PDPK1: variants seen among roughly 807,000 people sequenced by gnomAD.
The protein encoded by PDPK1 is 3-phosphoinositide-dependent protein kinase 1.
Under a neutral mutation model 39.8 loss-of-function variants are expected in PDPK1, and 7 were observed. That is an observed-to-expected ratio of 0.18 (90% CI 0.10 to 0.33). The LOEUF (loss-of-function observed/expected upper bound fraction) is 0.33, where lower values mean the gene tolerates loss of function less well. PDPK1 is among the 10% of genes least tolerant of loss of function. The pLI is 1.00. For missense variants in PDPK1, 182 were observed against 384.7 expected (o/e 0.47, Z 4.41); for synonymous variants, 118 against 159.1 (o/e 0.74, Z 1.95).
At chr16:2,552,066 T>G (rs954497250) in intron 1 of PDPK1, among the ~76,000 whole-genome samples, 17 of 151,452 alleles carry the variant, frequency 1.1e-4, no homozygotes, top group African/African-American at 4.1e-4. Flanking sequence ...ACTCCTGGCC[T>G]CAGGTGATTC....
chr16:2,555,694 A>AT (rs1329271870), intron 1 of PDPK1: 1 of 64,936 alleles, frequency 1.5e-5, no homozygotes, highest in Non-Finnish European at 2.8e-5. Context: ...TGTATATAAA[A>AT]TTTTTGTATG....
intron 1 of PDPK1, among the ~76,000 whole-genome samples, chr16:2,542,625 A>T (rs2066265260): frequency 6.6e-6 from 1 of 152,236 alleles, no homozygotes; most frequent in South Asian, 2.1e-4. Flanking sequence ...CATCTGATGA[A>T]GGTGGGCATG....
chr16:2,591,144 G>T (rs1223172396), intron 11 of PDPK1, among the ~76,000 whole-genome samples: 1 of 152,030 alleles, frequency 6.6e-6, no homozygotes, highest in Non-Finnish European at 1.5e-5. Context: ...TGTGTTTATA[G>T]TAGAGACGTG....
At chr16:2,569,628 CCTT>C (rs1281809693) in intron 6 of PDPK1, among the ~76,000 whole-genome samples, 3 of 147,380 alleles carry the variant, frequency 2.0e-5, no homozygotes, top group African/African-American at 7.3e-5. Flanking sequence ...GTTCTTTTCC[CCTT>C]GTTTGAGGAA....
chr16:2,591,341 C>T (rs1363420735), intron 11 of PDPK1, among the ~76,000 whole-genome samples: 1 of 152,142 alleles, frequency 6.6e-6, no homozygotes, highest in African/African-American at 2.4e-5. Context: ...ATTCAGCCCC[C>T]ATGTATGACC....
intron 1 of PDPK1, among the ~76,000 whole-genome samples, chr16:2,551,601 G>A (rs2066409440): frequency 6.6e-6 from 1 of 151,562 alleles, no homozygotes; most frequent in African/African-American, 2.4e-5. Context: ...TCTCTTGCTG[G>A]CTGAAGTGTT....
At chr16:2,539,037 A>C in intron 1 of PDPK1, 3 of 208,534 alleles carry the variant, frequency 1.4e-5, no homozygotes, top group South Asian at 5.5e-5. Flanking sequence ...ATGAAGGAAA[A>C]CCCAAGAAAT....
At chr16:2,577,853 C>G (rs1430235889) in intron 7 of PDPK1, among the ~76,000 whole-genome samples, 1 of 149,276 alleles carries the variant, frequency 6.7e-6, no homozygotes, top group Non-Finnish European at 1.5e-5. Flanking sequence ...ATTCTCCTGC[C>G]TCAGCCTCCC....
rs1335280013 is a variant in PDPK1, at chr16:2,599,923, C to G, written c.*2156C>G. The G allele has an allele frequency of 4.3e-6, 1 of 233,350 alleles. No homozygotes were observed. Among genetic ancestry groups the G allele is most frequent in the Non-Finnish European group, 8.5e-6 (1 of 118,068 alleles). The allele number at this position is 233,350 out of a possible 1,614,324, so 14.5% of individuals were successfully genotyped here. On this transcript the variant is annotated 3_prime_UTR_variant, in exon 14 of 14. Coordinates refer to ENST00000342085, the MANE Select transcript of PDPK1 (RefSeq NM_002613.5). Reference sequence around the variant, plus strand: ...CCACCTCCTGGGCGTCACTGACAAGCTCCATCTTAACCTCCAAAGCCACAG... The same window carrying G: ...CCACCTCCTGGGCGTCACTGACAAGGTCCATCTTAACCTCCAAAGCCACAG...
At chr16:2,586,464 G>A (rs1229327793) in intron 10 of PDPK1, among the ~76,000 whole-genome samples, 1 of 152,284 alleles carries the variant, frequency 6.6e-6, no homozygotes, top group African/African-American at 2.4e-5. Flanking sequence ...ATTCCCATGG[G>A]AAGAGGAGCC....
chr16:2,541,017 A>G (rs1459285303), intron 1 of PDPK1, among the ~76,000 whole-genome samples: 1 of 152,006 alleles, frequency 6.6e-6, no homozygotes, highest in African/African-American at 2.4e-5. Flanking sequence ...GGTCTGGTGC[A>G]TAGTGTGATG....
In PDPK1 at chr16:2,577,138, G is replaced by A. The variant is rs1475656214; in HGVS notation, c.710-287G>A. The A allele has an allele frequency of 1.3e-5, 7 of 540,586 alleles. 1 individual carries two copies. Among genetic ancestry groups the A allele is most frequent in the East Asian group, 1.2e-4 (3 of 25,466 alleles). 33.5% of individuals were successfully genotyped at this position (540,586 alleles called of 1,614,324 possible). A position where few individuals can be genotyped will look rare whatever the true frequency, so the allele number is the denominator to read the frequency against. ...GTCCTGCAGTGAGCCAGCCAGCGCC[G>A]TGTCCTCATGCCCTCCGTTGAGCGG... On this transcript the variant is annotated intron_variant, in intron 6 of 13. Coordinates refer to ENST00000342085, the MANE Select transcript of PDPK1 (RefSeq NM_002613.5).
At chr16:2,553,178 A>AAAAAAAAAAAG (rs1204734490) in intron 1 of PDPK1, among the ~76,000 whole-genome samples, 5 of 135,314 alleles carry the variant, frequency 3.7e-5, no homozygotes, top group African/African-American at 1.6e-4. Context: ...TTTAAAAAAA[A>AAAAAAAAAAAG]AAAAGAAAAA....
chr16:2,585,742 C>T (rs1358598779), intron 10 of PDPK1, among the ~76,000 whole-genome samples: 3 of 152,160 alleles, frequency 2.0e-5, no homozygotes, highest in Non-Finnish European at 2.9e-5. Context: ...CAGCTGGGTG[C>T]GAGGCTTTAG....
rs985561316 is a variant in PDPK1, at chr16:2,598,829, C to T, written c.*1062C>T. Reference sequence around the variant, plus strand: ...AGACCACGCCAGGGAGTGCAGACACCACCGTCACACACGCCCCTTTTGTGT... The same window carrying T: ...AGACCACGCCAGGGAGTGCAGACACTACCGTCACACACGCCCCTTTTGTGT... On this transcript the variant is annotated 3_prime_UTR_variant, in exon 14 of 14. Transcript: ENST00000342085. 9 of 233,232 alleles carry T rather than the reference C, an allele frequency of 3.9e-5. No homozygotes were observed. The highest frequency in any genetic ancestry group is 7.6e-5 in the Non-Finnish European group (9 of 118,086). The allele number at this position is 233,232 out of a possible 1,614,324, so 14.4% of individuals were successfully genotyped here. A position where few individuals can be genotyped will look rare whatever the true frequency, so the allele number is the denominator to read the frequency against.
At chr16:2,579,353 G>A (rs1380380696) in intron 7 of PDPK1, 1 of 93,448 alleles carries the variant, frequency 1.1e-5, no homozygotes, top group East Asian at 3.4e-4. Context: ...AAGAGCTAGC[G>A]TTTCCTCGTT....
chr16:2,558,406 T>A (rs1228268023), intron 2 of PDPK1, among the ~76,000 whole-genome samples: 1 of 150,164 alleles, frequency 6.7e-6, no homozygotes, highest in Non-Finnish European at 1.5e-5. Flanking sequence ...TTCTCTGTTT[T>A]GTTTTTTTGA....
At position 2,547,208 on chromosome 16, in the gene PDPK1, C is replaced by T. The variant is rs151262443; in HGVS notation, c.24+9072C>T. Among the ~76,000 whole-genome samples, 13 of 149,338 alleles carry T rather than the reference C, an allele frequency of 8.7e-5. No individual in the cohort carries two copies. In the East Asian group the frequency reaches 9.7e-4, roughly 11 times the overall value. ...TACGAGCTAGGAAGGCTGACGGCTG[C>T]TCATTTCCCCCCATGTGGACCTCAT... is the stretch of plus-strand genomic sequence containing the variant. On this transcript the variant is annotated intron_variant, in intron 1 of 13. Transcript: ENST00000342085.
At chr16:2,541,540 C>G (rs977227988) in intron 1 of PDPK1, among the ~76,000 whole-genome samples, 1 of 152,176 alleles carries the variant, frequency 6.6e-6, no homozygotes, top group African/African-American at 2.4e-5. Context: ...CAGGTTGTGG[C>G]TGCAGAGAAG....
Sources: allele counts gnomAD v4.1 joint callset (sites outside exome capture counted in the v4.1 genomes callset), GRCh38; gene constraint gnomAD v4.1.1; transcripts MANE v1.5; gene names NCBI Gene and HGNC (gene_info 2026-07-23, HGNC 2026-07-21).